Variants in LRRC7 observed in about 807,000 individuals in gnomAD.
LRRC7 encodes leucine rich repeat containing 7, also known as leucine-rich repeat-containing protein 7.
Under a neutral mutation model 175.7 loss-of-function variants are expected in LRRC7, and 23 were observed. That is an observed-to-expected ratio of 0.13 (90% CI 0.09 to 0.19). The LOEUF (loss-of-function observed/expected upper bound fraction) is 0.19, where lower values mean the gene tolerates loss of function less well. Among genes scored for constraint, LRRC7 ranks in the 10% least tolerant of loss-of-function variants. LRRC7 has a pLI of 1.00. For synonymous variants in LRRC7, 685 were observed against 680.9 expected (o/e 1.01, Z -0.09); for missense variants, 1,354 against 1,904.7 (o/e 0.71, Z 5.38).
intron 1 of LRRC7, among the ~76,000 whole-genome samples, chr1:69,635,644 A>G (rs1381931404): frequency 6.6e-6 from 1 of 152,132 alleles, no homozygotes; most frequent in East Asian, 1.9e-4. Context: ...CATTTTCAAT[A>G]TAATCTTTTT....
chr1:70,098,697 A>G (rs1445713142), intron 25 of LRRC7, among the ~76,000 whole-genome samples: 3 of 152,022 alleles, frequency 2.0e-5, no homozygotes, highest in Non-Finnish European at 4.4e-5. Flanking sequence ...AAACACCTCT[A>G]CGCAAATAAA....
At chr1:69,611,924 C>T (rs1648815592) in intron 1 of LRRC7, among the ~76,000 whole-genome samples, 1 of 152,052 alleles carries the variant, frequency 6.6e-6, no homozygotes, top group Non-Finnish European at 1.5e-5. Flanking sequence ...TTTCTGCATG[C>T]ACATGTCCAC....
At chr1:69,900,123 A>G (rs1475014467) in intron 7 of LRRC7, among the ~76,000 whole-genome samples, 3 of 152,342 alleles carry the variant, frequency 2.0e-5, no homozygotes, top group South Asian at 2.1e-4. Flanking sequence ...GGCTGTATAA[A>G]AAGAACAGCG....
rs1667135795 is a variant in LRRC7 at position 70,143,029 on chromosome 1, A to AAT, written c.*21143_*21144dup. The AAT allele has an allele frequency of 6.6e-6, 1 of 152,118 alleles. No homozygotes were observed. Among genetic ancestry groups the AAT allele is most frequent in the East Asian group, 1.9e-4 (1 of 5,200 alleles). 9.4% of individuals were successfully genotyped at this position (152,118 alleles called of 1,614,324 possible). On this transcript the variant is annotated 3_prime_UTR_variant, in exon 27 of 27. Transcript: ENST00000651989. ...AAGAAGTTCTACTTCTACCTATATG[A>AAT]ATTTGTATTTTCCCATATGCCAAAC...
rs1365530588 is a variant in LRRC7 at position 69,843,134 on chromosome 1, G to A, written c.647+4851G>A. Among the ~76,000 whole-genome samples, 7 of 152,166 alleles carry A rather than the reference G, an allele frequency of 4.6e-5. No homozygotes were observed. In the East Asian group the frequency reaches 9.7e-4, roughly 21 times the overall value. On this transcript the variant is annotated intron_variant, in intron 7 of 26. Coordinates refer to ENST00000651989, the MANE Select transcript of LRRC7 (RefSeq NM_001370785.2). ...GAATCGCTTGAACCTGGGAGGCAGAGGTTGCAGAGATCATGCCACTGAACT... is the reference window on the plus strand; with the variant it reads ...GAATCGCTTGAACCTGGGAGGCAGAAGTTGCAGAGATCATGCCACTGAACT...
At position 69,899,374 on chromosome 1, in the gene LRRC7, CTT is replaced by C. The variant is rs555034456; in HGVS notation, c.648-32131_648-32130del. ...TGCTCTTACCTTTCTGGAGAGGAAA[CTT>C]TGCCTCCTAACAAGACTCCTGAAGT... On this transcript the variant is annotated intron_variant, in intron 7 of 26. Coordinates refer to ENST00000651989, the MANE Select transcript of LRRC7 (RefSeq NM_001370785.2). Among the ~76,000 whole-genome samples the C allele has an allele frequency of 1.6e-3, 245 of 152,300 alleles. 1 individual carries two copies. The highest frequency in any genetic ancestry group is 2.8e-3 in the Non-Finnish European group (191 of 68,030).
intron 1 of LRRC7, 110 bp downstream of exon 1, chr1:69,568,751 G>GC: frequency 3.3e-6 from 2 of 614,292 alleles, no homozygotes; most frequent in Non-Finnish European, 4.5e-6. Context: ...GGCGGGGGTG[G>GC]CAGGGCGGGA....
chr1:69,760,090 G>C, intron 2 of LRRC7, 101 bp from the exon 3 acceptor site: 1 of 1,190,432 alleles, frequency 8.4e-7, no homozygotes, highest in Non-Finnish European at 1.2e-6. Context: ...ATTCTAGACT[G>C]TATACCAAAA....
intron 22 of LRRC7, among the ~76,000 whole-genome samples, chr1:70,050,908 T>C (rs1660699400): frequency 6.6e-6 from 1 of 152,036 alleles, no homozygotes; most frequent in Non-Finnish European, 1.5e-5. Flanking sequence ...GGCCAGAGTA[T>C]TCTTAAAAGG....
chr1:69,928,448 G>T (rs1005779273), intron 7 of LRRC7, among the ~76,000 whole-genome samples: 4 of 152,230 alleles, frequency 2.6e-5, no homozygotes, highest in African/African-American at 4.8e-5. Flanking sequence ...CTTGAGCTGT[G>T]GTGGGCTCCA....
At chr1:69,989,285 A>C (rs761354648) in intron 10 of LRRC7, among the ~76,000 whole-genome samples, 7 of 152,198 alleles carry the variant, frequency 4.6e-5, no homozygotes, top group Non-Finnish European at 7.3e-5. Context: ...TAAGTATTTA[A>C]ATTGACAGAT....
chr1:70,110,862 T>C (rs1665481042), intron 26 of LRRC7, among the ~76,000 whole-genome samples: 1 of 152,214 alleles, frequency 6.6e-6, no homozygotes, highest in Non-Finnish European at 1.5e-5. Flanking sequence ...CAATATCAGA[T>C]GCTAAGAAGG....
At chr1:69,696,502 A>G (rs1662602496) in intron 2 of LRRC7, among the ~76,000 whole-genome samples, 1 of 152,168 alleles carries the variant, frequency 6.6e-6, no homozygotes. Flanking sequence ...ACTTTTGAGG[A>G]CGATCAGGAA....
At chr1:69,802,559 G>T (rs897108856) in intron 4 of LRRC7, among the ~76,000 whole-genome samples, 1 of 151,100 alleles carries the variant, frequency 6.6e-6, no homozygotes. Context: ...GTTTCCATTT[G>T]TATAGAATAT....
At chr1:69,629,942 G>A (rs1477726174) in intron 1 of LRRC7, among the ~76,000 whole-genome samples, 1 of 152,050 alleles carries the variant, frequency 6.6e-6, no homozygotes, top group African/African-American at 2.4e-5. Context: ...AAATCACAGA[G>A]AATATAGACA....
rs1666367110 is a variant in LRRC7 at position 70,124,684 on chromosome 1, T to A, written c.*2797T>A. 6.6e-6 allele frequency among the ~76,000 whole-genome samples: 1 copy of A among 151,804 alleles called. No individual in the cohort carries two copies. The highest frequency in any genetic ancestry group is 1.5e-5 in the Non-Finnish European group (1 of 67,990). On this transcript the variant is annotated 3_prime_UTR_variant, in exon 27 of 27. Coordinates refer to ENST00000651989, the MANE Select transcript of LRRC7 (RefSeq NM_001370785.2). ...ATTTTTGATTATTGACTTTTTGCAG[T>A]AACTGATTTTGCTGCCTGAAATTAG... is the stretch of plus-strand genomic sequence containing the variant.
intron 26 of LRRC7, among the ~76,000 whole-genome samples, chr1:70,120,755 T>G (rs1161203501): frequency 1.3e-5 from 2 of 152,114 alleles, no homozygotes; most frequent in Non-Finnish European, 2.9e-5. Context: ...TCAGCCAAGC[T>G]GTCAACTTGA....
intron 10 of LRRC7, 73 bp downstream of exon 10, chr1:69,986,459 C>A: frequency 7.5e-7 from 1 of 1,336,752 alleles, no homozygotes; most frequent in South Asian, 1.4e-5. Context: ...TATAGTTTGT[C>A]TATAGATATA....
At chr1:69,646,073 A>G (rs1226568461) in intron 1 of LRRC7, among the ~76,000 whole-genome samples, 1 of 152,136 alleles carries the variant, frequency 6.6e-6, no homozygotes, top group Non-Finnish European at 1.5e-5. Flanking sequence ...AAAGATGTAC[A>G]TAATGGCTAA....
Sources: gnomAD v4.1 joint callset for allele counts (sites outside exome capture counted in the v4.1 genomes callset) on GRCh38, gnomAD v4.1.1 for gene constraint, MANE v1.5 for transcripts, NCBI Gene and HGNC (gene_info 2026-07-23, HGNC 2026-07-21) for gene names.